The following FPGS variants were observed in gnomAD, a reference collection of about 807,000 sequenced individuals.
The protein encoded by FPGS is folylpolyglutamate synthase.
In FPGS, 53 loss-of-function variants were observed where a neutral mutation model predicts 66.5. The observed-to-expected ratio is 0.80, with a 90% CI of 0.64 to 1.00. The LOEUF is 1.00. Among genes scored for constraint, FPGS ranks in the 50% least tolerant of loss-of-function variants. FPGS has a pLI of 0.00. For synonymous variants in FPGS, 348 were observed against 350.9 expected (o/e 0.99, Z 0.09); for missense variants, 702 against 807.7 (o/e 0.87, Z 1.59).
intron 13 of FPGS, 83 bp downstream of exon 13, chr9:127,810,189 C>T: frequency 8.6e-7 from 1 of 1,162,202 alleles, no homozygotes; most frequent in South Asian, 1.3e-5. Flanking sequence ...TGCCAATCCC[C>T]TCCCCCTTGA....
rs1564448894 is a variant in FPGS at position 127,813,658 on chromosome 9, A to G, written c.*54A>G. 2.0e-6 allele frequency: 3 copies of G among 1,482,270 alleles called. No homozygotes were observed. The highest frequency in any genetic ancestry group is 2.7e-6 in the Non-Finnish European group (3 of 1,116,470). The allele number at this position is 1,482,270 out of a possible 1,614,324, so 91.8% of individuals were successfully genotyped here. ...TCCCACACCTGCCTGCGTTCTCCCC[A>G]TGAACTTACATACTAGGTGCCTTTT... On this transcript the variant is annotated 3_prime_UTR_variant, in exon 15 of 15. Transcript: ENST00000373247.
chr9:127,808,259 T>C lies in FPGS; in HGVS notation c.770T>C (p.Leu257Pro). 1 of 1,614,086 alleles carries C rather than the reference T, an allele frequency of 6.2e-7. No homozygotes were observed. ...FKQGVPAFTV[L>P]QPEGPLAVLR... ...CAAGGTGTCCCTGCCTTCACTGTGC[T>C]CCAACCTGAAGGTCCCCTGGCAGTG... Residue 257 changes from leucine (L) to proline (P), a missense_variant, in exon 9 of 15, where the codon CTC becomes CCC. Leu to Pro is a moderately conservative substitution (Grantham distance 98). This residue lies in a region of FPGS where 240 missense variants were observed against 348.6 expected (regional missense o/e 0.69). Transcript: ENST00000373247.
intron 9 of FPGS, 98 bp downstream of exon 9, chr9:127,808,409 G>T: frequency 6.7e-7 from 1 of 1,487,730 alleles, no homozygotes; most frequent in East Asian, 2.3e-5. Context: ...GCCCATCTGT[G>T]CAGTGAGGAC....
chr9:127,811,132 T>C lies in FPGS; in HGVS notation c.1354+121T>C, dbSNP rs111378538. The C allele has an allele frequency of 1.9e-3, 999 of 525,326 alleles. 11 individuals are homozygous for C. The highest frequency in any genetic ancestry group is 0.017 in the African/African-American group (897 of 51,732). 32.5% of individuals were successfully genotyped at this position (525,326 alleles called of 1,614,324 possible). On this transcript the variant is annotated intron_variant, in intron 14 of 14. Transcript: ENST00000373247. ...TTTGTTTTACTGTGTAAGAACACTT[T>C]AGTGTACTTATACTCTTTTATACAC...
chr9:127,807,305 G>A lies in FPGS; in HGVS notation c.579+19G>A, dbSNP rs1829854163. ...AGAGAAGGTGTGTGCCCTCTCCCTA[G>A]AACCCTGCATCTGAGGCCTTGGGAA... On this transcript the variant is annotated intron_variant, in intron 6 of 14. Transcript: ENST00000373247. This position sits in a 1 kb window ranked among gnomAD's most constrained non-coding sequence, Gnocchi z 5.8. The A allele has an allele frequency of 1.2e-6, 2 of 1,613,864 alleles. No individual in the cohort carries two copies. Among genetic ancestry groups the A allele is most frequent in the Admixed American group, 1.7e-5 (1 of 60,000 alleles).
chr9:127,805,951 A>G (rs1218133074), intron 4 of FPGS, among the ~76,000 whole-genome samples: 2 of 152,230 alleles, frequency 1.3e-5, no homozygotes, highest in East Asian at 3.8e-4. Flanking sequence ...TCAGCTGCCT[A>G]AGGTCATTTC....
At chr9:127,804,976 C>T in intron 4 of FPGS, 1 of 370,578 alleles carries the variant, frequency 2.7e-6, no homozygotes, top group East Asian at 5.5e-5. Context: ...GCAACCCCCG[C>T]CTGCCAGGTT....
chr9:127,813,162 C>G (rs1294599932), intron 14 of FPGS, 33 bp from the exon 15 acceptor site: 2 of 1,531,602 alleles, frequency 1.3e-6, no homozygotes, highest in Admixed American at 4.0e-5. Context: ...TCCCTCTCCC[C>G]TTCGCTGATA....
intron 1 of FPGS, among the ~76,000 whole-genome samples, chr9:127,803,998 G>T (rs117593259): frequency 8.1e-4 from 124 of 152,350 alleles, no homozygotes; most frequent in Non-Finnish European, 1.6e-3. Context: ...GAGTGAAGTC[G>T]GGGGAGCCTG....
Position 127,809,674 on chromosome 9 carries a change from C to T in FPGS, c.1061-10C>T, listed in dbSNP as rs376751176. 5.8e-5 allele frequency: 92 copies of T among 1,582,890 alleles called. No individual in the cohort carries two copies. The African/African-American group carries it at 1.1e-3, about 20-fold the overall frequency. ...AGGGCCTGGAGGACTGCCTTGCTGC[C>T]CTCCCCCAGGGCTTCGGAACACGGA... is the stretch of plus-strand genomic sequence containing the variant. On this transcript the variant is annotated splice_polypyrimidine_tract_variant and intron_variant, in intron 11 of 14. Transcript: ENST00000373247.
In FPGS at chr9:127,803,029, G is replaced by A; in HGVS notation, c.105G>A (p.Trp35Ter). 1 of 1,455,842 alleles carries A rather than the reference G, an allele frequency of 6.9e-7. No individual in the cohort carries two copies. The highest frequency in any genetic ancestry group is 9.0e-7 in the Non-Finnish European group (1 of 1,113,374). The allele number at this position is 1,455,842 out of a possible 1,614,324, so 90.2% of individuals were successfully genotyped here. ...QVAARRGLSA[W>*]PVPQEPSMEY... ...CGGCGCGGCGGGGCTTGAGCGCGTG[G>A]CCGGTGCCGCAGGAGCCGAGCATGG... Residue 35 changes from tryptophan to a stop codon, truncating the protein, a stop_gained, in exon 1 of 15, where the codon TGG (tryptophan) becomes TGA (stop). Transcript: ENST00000373247. LOFTEE classifies it high-confidence loss of function.
rs375239938 is a variant in FPGS at position 127,807,096 on chromosome 9, T to G, written c.501+9T>G. On this transcript the variant is annotated intron_variant, in intron 5 of 14. Coordinates refer to ENST00000373247, the MANE Select transcript of FPGS (RefSeq NM_004957.6). The surrounding 1 kb of genome is among the most constrained non-coding windows in gnomAD (Gnocchi z 5.8). The stretch of plus-strand genomic sequence containing the variant: ...GGCTGGAGGAGACCAAGGTGCCGCA[T>G]GCAGGAGGGCTGGCGGGTGGGTATG... 4 of 1,612,858 alleles carry G rather than the reference T, an allele frequency of 2.5e-6. No homozygotes were observed. The highest frequency in any genetic ancestry group is 3.3e-4 in the Middle Eastern group (2 of 6,060).
chr9:127,805,612 T>A (rs1564441387), intron 4 of FPGS, among the ~76,000 whole-genome samples: 1 of 151,554 alleles, frequency 6.6e-6, no homozygotes, highest in African/African-American at 2.4e-5. Context: ...AAAAAAAAAA[T>A]GAAAAGAAAA....
chr9:127,802,915 C>T lies in FPGS; in HGVS notation c.-10C>T. On this transcript the variant is annotated 5_prime_UTR_variant, in exon 1 of 15. Coordinates refer to ENST00000373247, the MANE Select transcript of FPGS (RefSeq NM_004957.6). ...CCCGGGCCTAGAGCGCTGCCGGGGG[C>T]GCCGGGACTATGTCGCGGGCGCGGA... The T allele has an allele frequency of 1.5e-6, 2 of 1,364,850 alleles. No individual in the cohort carries two copies. The highest frequency in any genetic ancestry group is 1.5e-5 in the African/African-American group (1 of 64,940). The allele number at this position is 1,364,850 out of a possible 1,614,324, so 84.5% of individuals were successfully genotyped here.
intron 4 of FPGS, chr9:127,804,984 G>A: frequency 2.8e-6 from 1 of 351,490 alleles, no homozygotes; most frequent in Non-Finnish European, 5.3e-6. Flanking sequence ...CGCCTGCCAG[G>A]TTCAAGCAAT....
At chr9:127,808,088 A>AC in intron 8 of FPGS, 146 bp from the exon 9 acceptor site, 1 of 643,306 alleles carries the variant, frequency 1.6e-6, no homozygotes, top group South Asian at 1.9e-5. Context: ...CCTGGGTGAC[A>AC]GAGTGAGACT....
At position 127,807,487 on chromosome 9, in the gene FPGS, G is replaced by A; in HGVS notation, c.641+5G>A. On this transcript the variant is annotated splice_donor_5th_base_variant and intron_variant, in intron 7 of 14. Coordinates refer to ENST00000373247, the MANE Select transcript of FPGS (RefSeq NM_004957.6). The surrounding 1 kb of genome is among the most constrained non-coding windows in gnomAD (Gnocchi z 5.8). Reference sequence around the variant, plus strand: ...TGACTGCACCAACATCATCAGGTGAGCGCAGTTGCTTGGGACGAGGGGTGG... The same window carrying A: ...TGACTGCACCAACATCATCAGGTGAACGCAGTTGCTTGGGACGAGGGGTGG... 1 of 1,614,098 alleles carries A rather than the reference G, an allele frequency of 6.2e-7. No individual in the cohort carries two copies. The highest frequency in any genetic ancestry group is 8.5e-7 in the Non-Finnish European group (1 of 1,180,000).
rs888492868 is a variant in FPGS at position 127,809,697 on chromosome 9, G to T, written c.1074G>T (p.Thr358=). 2 of 1,588,310 alleles carry T rather than the reference G, an allele frequency of 1.3e-6. No individual in the cohort carries two copies. Among genetic ancestry groups the T allele is most frequent in the Non-Finnish European group, 1.7e-6 (2 of 1,174,904 alleles). Residue 358 remains threonine (T), a synonymous_variant, in exon 12 of 15, where the codon ACG becomes ACT. Transcript: ENST00000373247. ...GCCCTCCCCCAGGGCTTCGGAACAC[G>T]GAGTGGCCGGGCCGGACGCAGGTGC... ...TSHMRLGLRN[T]EWPGRTQVLR... is the part of the protein sequence containing the mutation.
chr9:127,803,598 C>T (rs10987742), intron 1 of FPGS, among the ~76,000 whole-genome samples: 36,716 of 151,936 alleles, frequency 0.24, 4,746 homozygotes, highest in South Asian at 0.3. Flanking sequence ...AGCCGGTTGC[C>T]CTAGACCAGA....
Sources: gnomAD v4.1 joint callset for allele counts (sites outside exome capture counted in the v4.1 genomes callset) on GRCh38, gnomAD v4.1.1 for gene constraint, gnomAD v4.1.1 regional missense constraint, Gnocchi (gnomAD v3.1) non-coding constraint, MANE v1.5 for transcripts, NCBI Gene and HGNC (gene_info 2026-07-23, HGNC 2026-07-21) for gene names.